DLG2: variants seen among roughly 807,000 people sequenced by gnomAD.
DLG2 encodes discs large MAGUK scaffold protein 2, also known as disks large homolog 2.
In DLG2, 45 loss-of-function variants were observed where a neutral mutation model predicts 132.5. That is an observed-to-expected ratio of 0.34 (90% CI 0.27 to 0.44). The LOEUF is 0.44. Ranked by LOEUF, DLG2 falls within the 20% of genes least tolerant of loss-of-function variation. The pLI is 1.00. For missense variants in DLG2, 1,045 were observed against 1,196.9 expected (o/e 0.87, Z 1.87); for synonymous variants, 424 against 419.6 (o/e 1.01, Z -0.13).
At chr11:84,181,966 G>A (rs1032534112) in intron 8 of DLG2, among the ~76,000 whole-genome samples, 4 of 149,534 alleles carry the variant, frequency 2.7e-5, no homozygotes, top group African/African-American at 9.7e-5. Context: ...AAATGGATGG[G>A]CCTAGCAGGC....
At position 84,438,463 on chromosome 11, in the gene DLG2, T is replaced by A. The variant is rs141961685; in HGVS notation, c.519+96107A>T. 8.9e-3 allele frequency among the ~76,000 whole-genome samples: 1,315 copies of A among 148,486 alleles called. 21 individuals carry two copies. The highest frequency in any genetic ancestry group is 0.032 in the African/African-American group (1,244 of 38,390). The stretch of plus-strand genomic sequence containing the variant: ...ACTAAAAAGAGCAAACTACTCTTTT[T>A]AAAAAAAATAAAAAATAAAAAATAA... On this transcript the variant is annotated intron_variant, in intron 7 of 27. Transcript: ENST00000376104.
chr11:84,765,795 GT>G (rs903493827), intron 6 of DLG2, among the ~76,000 whole-genome samples: 8 of 151,756 alleles, frequency 5.3e-5, no homozygotes, highest in Non-Finnish European at 7.4e-5. Flanking sequence ...TTTGGTGTAA[GT>G]TTTTTTTATA....
In DLG2 at chr11:85,111,717, G is replaced by C; in HGVS notation, c.301C>G (p.Pro101Ala). The C allele has an allele frequency of 6.4e-7, 1 of 1,559,866 alleles. No individual in the cohort carries two copies. Among genetic ancestry groups the C allele is most frequent in the Non-Finnish European group, 8.7e-7 (1 of 1,151,370 alleles). ...GCTTCCACTGAACAATTCTGGGCTG[G>C]GCATCTGCCTTGGTTTTGCTGCAAA... is the stretch of plus-strand genomic sequence containing the variant. The part of the protein sequence containing the change: ...ETTTQNQGRC[P>A]AQNCSVEAPA... Residue 101 changes from proline to alanine, a missense_variant, in exon 6 of 28, where the codon CCA becomes GCA. Transcript: ENST00000376104.
chr11:84,917,525 A>C (rs1358505473), intron 6 of DLG2, among the ~76,000 whole-genome samples: 11 of 152,170 alleles, frequency 7.2e-5, no homozygotes, highest in Admixed American at 7.2e-4. Context: ...TGTGTTCTCT[A>C]AACTTTAGTT....
intron 17 of DLG2, among the ~76,000 whole-genome samples, chr11:83,788,890 G>A (rs1245848777): frequency 2.0e-5 from 3 of 152,064 alleles, no homozygotes; most frequent in African/African-American, 7.2e-5. Flanking sequence ...CATAATTCTA[G>A]TTCCATAGGT....
In DLG2 at chr11:84,052,036, C is replaced by T. The variant is rs1422199294; in HGVS notation, c.919+7279G>A. The stretch of plus-strand genomic sequence containing the variant: ...GAGGGGCGAGTGATGGAACCTGGTG[C>T]TAAGGAGATATCATAAGGCTAAGTT... On this transcript the variant is annotated intron_variant, in intron 11 of 27. Coordinates refer to ENST00000376104, the MANE Select transcript of DLG2 (RefSeq NM_001142699.3). Among the ~76,000 whole-genome samples, 5 of 151,702 alleles carry T rather than the reference C, an allele frequency of 3.3e-5. No individual in the cohort carries two copies. The East Asian group carries it at 9.7e-4, about 30-fold the overall frequency.
rs189400090 is a variant in DLG2 at position 83,559,122 on chromosome 11, C to T, written c.1941-17264G>A. 3.4e-4 allele frequency among the ~76,000 whole-genome samples: 51 copies of T among 151,780 alleles called. 2 individuals carry two copies. Among genetic ancestry groups the T allele is most frequent in the African/African-American group, 1.2e-3 (50 of 41,368 alleles). ...GCCTAGAAGAATGAATACAAGTTGGCCAAAGAAAGATGAAAATAAAAGCAT... is the reference window on the plus strand; with the variant it reads ...GCCTAGAAGAATGAATACAAGTTGGTCAAAGAAAGATGAAAATAAAAGCAT... On this transcript the variant is annotated intron_variant, in intron 19 of 27. Coordinates refer to ENST00000376104, the MANE Select transcript of DLG2 (RefSeq NM_001142699.3).
At chr11:84,431,733 C>A (rs1381555723) in intron 7 of DLG2, among the ~76,000 whole-genome samples, 1 of 151,984 alleles carries the variant, frequency 6.6e-6, no homozygotes, top group Admixed American at 6.6e-5. Flanking sequence ...ATTTTAAACA[C>A]TTTATTTATA....
intron 3 of DLG2, among the ~76,000 whole-genome samples, chr11:85,414,056 T>A (rs1428719776): frequency 1.3e-5 from 2 of 152,100 alleles, no homozygotes; most frequent in African/African-American, 4.8e-5. Context: ...CATTTGTTTG[T>A]GTCATCTATG....
At chr11:84,740,069 A>G (rs1173527326) in intron 6 of DLG2, among the ~76,000 whole-genome samples, 2 of 151,910 alleles carry the variant, frequency 1.3e-5, no homozygotes, top group African/African-American at 2.4e-5. Context: ...TATCACTGCT[A>G]TTAGTTTCCA....
At chr11:83,869,175 C>T (rs1450818732) in intron 16 of DLG2, among the ~76,000 whole-genome samples, 1 of 152,024 alleles carries the variant, frequency 6.6e-6, no homozygotes, top group African/African-American at 2.4e-5. Context: ...TCAAAGATGA[C>T]CTGGTGATTT....
intron 7 of DLG2, among the ~76,000 whole-genome samples, chr11:84,315,534 A>G (rs2098344258): frequency 6.6e-6 from 1 of 152,198 alleles, no homozygotes; most frequent in Admixed American, 6.5e-5. Flanking sequence ...GTTAAAGAGT[A>G]TATACAGTGT....
At chr11:85,565,392 A>C (rs1236679997) in intron 3 of DLG2, among the ~76,000 whole-genome samples, 1 of 152,120 alleles carries the variant, frequency 6.6e-6, no homozygotes, top group East Asian at 1.9e-4. Flanking sequence ...TAATCATTTT[A>C]AAGTATATAA....
At chr11:83,526,760 T>C (rs2095619467) in intron 21 of DLG2, among the ~76,000 whole-genome samples, 1 of 152,216 alleles carries the variant, frequency 6.6e-6, no homozygotes, top group South Asian at 2.1e-4. Context: ...AAGTGAACCA[T>C]GTTTTATTTC....
intron 6 of DLG2, among the ~76,000 whole-genome samples, chr11:85,081,350 T>C (rs2067204717): frequency 6.6e-6 from 1 of 152,138 alleles, no homozygotes; most frequent in Non-Finnish European, 1.5e-5. Flanking sequence ...ATTGAACACT[T>C]AGGATATATG....
chr11:84,944,517 G>C (rs1001529799), intron 6 of DLG2, among the ~76,000 whole-genome samples: 9 of 151,292 alleles, frequency 5.9e-5, no homozygotes, highest in Non-Finnish European at 8.8e-5. Context: ...GCTGTTGAGA[G>C]ACTCTTATGC....
chr11:85,020,893 G>A (rs1468091819), intron 6 of DLG2: 2 of 767,378 alleles, frequency 2.6e-6, no homozygotes, highest in East Asian at 2.4e-5. Flanking sequence ...GCAGAGTCAT[G>A]TGCATCCCCC....
chr11:84,022,601 A>G (rs911753722), intron 11 of DLG2, among the ~76,000 whole-genome samples: 2 of 152,238 alleles, frequency 1.3e-5, no homozygotes, highest in Non-Finnish European at 2.9e-5. Context: ...AATGTTAGTG[A>G]GGCAGAAATC....
chr11:85,523,099 C>T (rs1310990511), intron 3 of DLG2, among the ~76,000 whole-genome samples: 1 of 152,128 alleles, frequency 6.6e-6, no homozygotes, highest in Admixed American at 6.6e-5. Context: ...GGGGAGGGAC[C>T]TTGTGGGAGG....
Sources: gnomAD v4.1 joint callset for allele counts (sites outside exome capture counted in the v4.1 genomes callset) on GRCh38, gnomAD v4.1.1 for gene constraint, MANE v1.5 for transcripts, NCBI Gene and HGNC (gene_info 2026-07-23, HGNC 2026-07-21) for gene names.